Variants in FAM171A1 observed in about 807,000 individuals in gnomAD.
FAM171A1 encodes the protein family with sequence similarity 171 member A1, also known as protein FAM171A1.
Under a neutral mutation model 74.9 loss-of-function variants are expected in FAM171A1, and 23 were observed. The ratio of observed to expected loss-of-function variants is 0.31; its 90% confidence interval spans 0.22 to 0.44. FAM171A1 has a LOEUF of 0.44. Ranked by LOEUF, FAM171A1 falls within the 20% of genes least tolerant of loss-of-function variation. The probability of loss-of-function intolerance (pLI) is 1.00; values close to 1 mark genes in which losing one functional copy is unlikely to be tolerated. For synonymous variants in FAM171A1, 527 were observed against 505.7 expected (o/e 1.04, Z -0.57); for missense variants, 1,162 against 1,159.2 (o/e 1.00, Z -0.03).
intron 1 of FAM171A1, among the ~76,000 whole-genome samples, chr10:15,290,898 G>A (rs192644900): frequency 2.6e-5 from 4 of 152,180 alleles, no homozygotes; most frequent in South Asian, 2.1e-4. Context: ...ATGTACCGCC[G>A]TTTTGTTTTG....
At chr10:15,263,225 G>GGCCTCC (rs1834684681) in intron 3 of FAM171A1, among the ~76,000 whole-genome samples, 1 of 152,072 alleles carries the variant, frequency 6.6e-6, no homozygotes, top group African/African-American at 2.4e-5. Flanking sequence ...ACAGCGTGAG[G>GGCCTCC]GCCTCCTAGA....
rs182300025 is a variant in FAM171A1 at position 15,293,402 on chromosome 10, C to T, written c.98-9297G>A. On this transcript the variant is annotated intron_variant, in intron 1 of 7. Transcript: ENST00000378116. ...TATTGACCAGCTGCTATATGCTTAGCATGATACAAGGTACTGCAGGGAGAT... is the reference window on the plus strand; with the variant it reads ...TATTGACCAGCTGCTATATGCTTAGTATGATACAAGGTACTGCAGGGAGAT... Among the ~76,000 whole-genome samples the T allele has an allele frequency of 2.6e-3, 402 of 152,020 alleles. 2 individuals are homozygous for T. The highest frequency in any genetic ancestry group is 9.1e-3 in the African/African-American group (377 of 41,468).
chr10:15,307,110 T>C (rs961967563), intron 1 of FAM171A1, among the ~76,000 whole-genome samples: 8 of 152,152 alleles, frequency 5.3e-5, no homozygotes, highest in African/African-American at 1.7e-4. Flanking sequence ...CCCAGGAGCA[T>C]GAGGATGACA....
intron 1 of FAM171A1, among the ~76,000 whole-genome samples, chr10:15,310,049 G>A (rs1282858559): frequency 2.0e-5 from 3 of 152,122 alleles, no homozygotes; most frequent in Non-Finnish European, 4.4e-5. Flanking sequence ...AAAAAAGTTG[G>A]GCTTAAGAAT....
chr10:15,253,417 G>A (rs1223068856), intron 4 of FAM171A1, among the ~76,000 whole-genome samples: 2 of 152,006 alleles, frequency 1.3e-5, no homozygotes, highest in Non-Finnish European at 2.9e-5. Flanking sequence ...TGACTGCTAT[G>A]CCATCTTTCT....
At chr10:15,293,107 T>C (rs1370508435) in intron 1 of FAM171A1, among the ~76,000 whole-genome samples, 1 of 152,178 alleles carries the variant, frequency 6.6e-6, no homozygotes, top group Non-Finnish European at 1.5e-5. Context: ...GAGACAGTTA[T>C]TTTGTGTTTC....
intron 3 of FAM171A1, among the ~76,000 whole-genome samples, chr10:15,266,519 G>A (rs936206053): frequency 4.6e-5 from 7 of 152,168 alleles, no homozygotes; most frequent in Non-Finnish European, 7.4e-5. Flanking sequence ...AAAGCCCCAG[G>A]TGGAAAACAG....
chr10:15,359,250 G>A (rs985162525), intron 1 of FAM171A1, among the ~76,000 whole-genome samples: 1 of 152,194 alleles, frequency 6.6e-6, no homozygotes, highest in African/African-American at 2.4e-5. Flanking sequence ...ATAAATCACA[G>A]TTATCTAAAC....
intron 1 of FAM171A1, among the ~76,000 whole-genome samples, chr10:15,325,834 G>A (rs193169051): frequency 2.0e-5 from 3 of 152,238 alleles, no homozygotes; most frequent in African/African-American, 7.2e-5. Context: ...GTTTCACTCC[G>A]ACCTGGGTGA....
intron 3 of FAM171A1, among the ~76,000 whole-genome samples, chr10:15,266,676 G>C (rs1381026549): frequency 6.6e-6 from 1 of 151,866 alleles, no homozygotes; most frequent in African/African-American, 2.4e-5. Context: ...GACCAGCTTG[G>C]GCAACATAGC....
chr10:15,334,903 G>A (rs958471447), intron 1 of FAM171A1, among the ~76,000 whole-genome samples: 1 of 152,174 alleles, frequency 6.6e-6, no homozygotes, highest in Non-Finnish European at 1.5e-5. Flanking sequence ...GCTTCCCAAA[G>A]TGCCTTCCAA....
Position 15,213,694 on chromosome 10 carries a change from G to T in FAM171A1, c.1894C>A (p.Gln632Lys), listed in dbSNP as rs761364473. The T allele has an allele frequency of 6.2e-7, 1 of 1,612,444 alleles. No homozygotes were observed. The highest frequency in any genetic ancestry group is 1.1e-5 in the South Asian group (1 of 90,860). Residue 632 changes from glutamine (Q) to lysine (K), a missense_variant, in exon 8 of 8, where the codon CAG (glutamine) becomes AAG (lysine). By Grantham distance (53) the Gln-to-Lys change is moderately conservative. Coordinates refer to ENST00000378116, the MANE Select transcript of FAM171A1 (RefSeq NM_001010924.2). This position sits in a 1 kb window ranked among gnomAD's most constrained non-coding sequence, Gnocchi z 6.8. Reference protein sequence around the residue: ...HAGIFPHPSSQIQPQPLSSQA... With the variant: ...HAGIFPHPSSKIQPQPLSSQA... Reference sequence around the variant, plus strand: ...GAAGACAGGGGCTGGGGCTGGATCTGTGAGGACGGGTGTGGGAAGATCCCG... The same window carrying T: ...GAAGACAGGGGCTGGGGCTGGATCTTTGAGGACGGGTGTGGGAAGATCCCG...
intron 2 of FAM171A1, among the ~76,000 whole-genome samples, chr10:15,279,745 C>T (rs970609426): frequency 7.9e-5 from 12 of 151,960 alleles, no homozygotes; most frequent in African/African-American, 2.9e-4. Context: ...TGGTGAAACC[C>T]CATCTCTACT....
chr10:15,363,967 C>A (rs1282995998), intron 1 of FAM171A1, among the ~76,000 whole-genome samples: 1 of 147,052 alleles, frequency 6.8e-6, no homozygotes, highest in Non-Finnish European at 1.5e-5. Context: ...GTGCATTTGC[C>A]TGAGAGAGGC....
intron 3 of FAM171A1, among the ~76,000 whole-genome samples, chr10:15,264,126 A>T (rs915422508): frequency 1.3e-5 from 2 of 151,970 alleles, no homozygotes; most frequent in Non-Finnish European, 2.9e-5. Flanking sequence ...CTGTAGGCAC[A>T]CAACACCACA....
chr10:15,332,905 A>G (rs1835657594), intron 1 of FAM171A1, among the ~76,000 whole-genome samples: 1 of 121,794 alleles, frequency 8.2e-6, no homozygotes, highest in East Asian at 5.2e-4. Context: ...AATATAATCT[A>G]TTAAAGGGTG....
At chr10:15,331,735 ATGTG>A (rs539025452) in intron 1 of FAM171A1, among the ~76,000 whole-genome samples, 14 of 148,858 alleles carry the variant, frequency 9.4e-5, no homozygotes, top group African/African-American at 1.5e-4. Flanking sequence ...TTTTATATAT[ATGTG>A]TGTGTGTGTG....
chr10:15,273,716 A>G (rs1450741373), intron 3 of FAM171A1, among the ~76,000 whole-genome samples: 2 of 152,216 alleles, frequency 1.3e-5, no homozygotes, highest in Non-Finnish European at 2.9e-5. Context: ...TCTGGGATGC[A>G]AGACTGGTTC....
chr10:15,223,151 G>A (rs1300283246), intron 5 of FAM171A1, among the ~76,000 whole-genome samples: 1 of 152,176 alleles, frequency 6.6e-6, no homozygotes, highest in Non-Finnish European at 1.5e-5. Context: ...ACCAGCCTGG[G>A]CAACAGAGTG....
Sources: gnomAD v4.1 joint callset for allele counts (sites outside exome capture counted in the v4.1 genomes callset) on GRCh38, gnomAD v4.1.1 for gene constraint, Gnocchi (gnomAD v3.1) non-coding constraint, MANE v1.5 for transcripts, NCBI Gene and HGNC (gene_info 2026-07-23, HGNC 2026-07-21) for gene names.